Variants in CDH18 observed in about 807,000 individuals in gnomAD.
The protein encoded by CDH18 is cadherin 18.
CDH18 carries 31 observed loss-of-function variants against 67.9 expected under a neutral mutation model. That is an observed-to-expected ratio of 0.46 (90% CI 0.34 to 0.62). The LOEUF is 0.62. Among genes scored for constraint, CDH18 ranks in the 20% least tolerant of loss-of-function variants. The pLI, the probability that CDH18 is intolerant of heterozygous loss-of-function variation, is 0.01. For synonymous variants in CDH18, 362 were observed against 347.2 expected (o/e 1.04, Z -0.48); for missense variants, 890 against 975.5 (o/e 0.91, Z 1.17).
rs140524343 is a variant in CDH18, at chr5:20,424,874, A to G, written c.-580+150588T>C. Among the ~76,000 whole-genome samples, 367 of 150,458 alleles carry G rather than the reference A, an allele frequency of 2.4e-3. 24 individuals are homozygous for G. The highest frequency in any genetic ancestry group is 8.9e-3 in the African/African-American group (355 of 40,044). Reference sequence around the variant, plus strand: ...TCAATCAGAATCCCAGAACCACAGAATGCAGTGAGCACATTCATCAGTCCC... The same window carrying G: ...TCAATCAGAATCCCAGAACCACAGAGTGCAGTGAGCACATTCATCAGTCCC... On this transcript the variant is annotated intron_variant, in intron 1 of 14. Transcript: ENST00000507958.
chr5:19,636,513 GT>G (rs1291870521), intron 5 of CDH18, among the ~76,000 whole-genome samples: 2 of 151,806 alleles, frequency 1.3e-5, no homozygotes, highest in Admixed American at 1.3e-4. Flanking sequence ...AAAATAATGT[GT>G]TTAAGGTTTA....
chr5:20,487,480 T>C (rs1399021428), intron 1 of CDH18, among the ~76,000 whole-genome samples: 4 of 150,410 alleles, frequency 2.7e-5, no homozygotes, highest in African/African-American at 9.8e-5. Context: ...GATGAGAAAT[T>C]TAATTATTTT....
chr5:20,437,472 C>T (rs1749257048), intron 1 of CDH18, among the ~76,000 whole-genome samples: 1 of 151,192 alleles, frequency 6.6e-6, no homozygotes, highest in Admixed American at 6.6e-5. Flanking sequence ...TGTTCTTATG[C>T]ATTGGTAAGG....
At chr5:20,527,573 CT>C (rs1756145801) in intron 1 of CDH18, among the ~76,000 whole-genome samples, 1 of 152,062 alleles carries the variant, frequency 6.6e-6, no homozygotes. Flanking sequence ...AGTGAAAACC[CT>C]GAAAAGCCAG....
chr5:20,430,744 T>C (rs1281938157), intron 1 of CDH18, among the ~76,000 whole-genome samples: 1 of 152,142 alleles, frequency 6.6e-6, no homozygotes, highest in Non-Finnish European at 1.5e-5. Flanking sequence ...ACCCAAAATA[T>C]AAATGGAGAT....
intron 2 of CDH18, among the ~76,000 whole-genome samples, chr5:19,920,027 A>G (rs1792257280): frequency 6.6e-6 from 1 of 152,180 alleles, no homozygotes; most frequent in Admixed American, 6.5e-5. Context: ...ATATTAATAG[A>G]TCACTTTATG....
intron 1 of CDH18, among the ~76,000 whole-genome samples, chr5:20,356,868 T>C (rs1348904182): frequency 2.0e-5 from 3 of 147,918 alleles, no homozygotes; most frequent in Non-Finnish European, 4.4e-5. Flanking sequence ...CATACATATA[T>C]ACTATATATA....
At chr5:19,754,641 C>A (rs1051227486) in intron 3 of CDH18, among the ~76,000 whole-genome samples, 2 of 152,124 alleles carry the variant, frequency 1.3e-5, no homozygotes, top group African/African-American at 4.8e-5. Flanking sequence ...TGGATTTAAA[C>A]TATACCTTGG....
At chr5:19,511,692 T>A (rs901367606) in intron 10 of CDH18, among the ~76,000 whole-genome samples, 1 of 152,038 alleles carries the variant, frequency 6.6e-6, no homozygotes, top group South Asian at 2.1e-4. Context: ...GTGGAAGAAA[T>A]TTTTAATAGC....
chr5:20,100,064 G>A (rs1487752492), intron 2 of CDH18, among the ~76,000 whole-genome samples: 1 of 151,980 alleles, frequency 6.6e-6, no homozygotes, highest in African/African-American at 2.4e-5. Context: ...GGGATTACAG[G>A]GTGAGCCACC....
chr5:19,500,392 A>G (rs1231455100), intron 11 of CDH18, among the ~76,000 whole-genome samples: 3 of 152,178 alleles, frequency 2.0e-5, no homozygotes, highest in Non-Finnish European at 4.4e-5. Flanking sequence ...TACCAAGGGT[A>G]CTAAGCCAGT....
intron 1 of CDH18, among the ~76,000 whole-genome samples, chr5:20,303,483 C>T (rs191826793): frequency 2.0e-5 from 3 of 152,220 alleles, no homozygotes; most frequent in East Asian, 1.9e-4. Context: ...GCCAATGATT[C>T]GAACGCTGAG....
intron 1 of CDH18, among the ~76,000 whole-genome samples, chr5:20,314,817 C>A (rs1293567088): frequency 6.6e-6 from 1 of 151,946 alleles, no homozygotes; most frequent in African/African-American, 2.4e-5. Context: ...ATACACAAAA[C>A]AGTCAATAAT....
intron 9 of CDH18, among the ~76,000 whole-genome samples, chr5:19,535,634 T>C (rs560521126): frequency 4.6e-5 from 7 of 152,286 alleles, no homozygotes; most frequent in Admixed American, 2.0e-4. Context: ...TCTTTGGATA[T>C]GTTTGCATGA....
intron 2 of CDH18, among the ~76,000 whole-genome samples, chr5:19,954,805 C>G (rs1279756755): frequency 2.0e-5 from 3 of 151,582 alleles, no homozygotes; most frequent in African/African-American, 7.3e-5. Context: ...TTCAAACTTA[C>G]GTCAACCCAA....
chr5:20,549,683 G>C (rs1757529850), intron 1 of CDH18, among the ~76,000 whole-genome samples: 2 of 152,176 alleles, frequency 1.3e-5, no homozygotes, highest in South Asian at 2.1e-4. Context: ...AGGGTCACGA[G>C]GCAAGATTCA....
intron 1 of CDH18, among the ~76,000 whole-genome samples, chr5:20,259,470 T>A (rs1744485212): frequency 6.6e-6 from 1 of 152,136 alleles, no homozygotes; most frequent in Non-Finnish European, 1.5e-5. Flanking sequence ...TTCCTCCTCC[T>A]ACTCAGACTA....
At chr5:19,868,457 C>T (rs575671862) in intron 2 of CDH18, among the ~76,000 whole-genome samples, 1 of 152,264 alleles carries the variant, frequency 6.6e-6, no homozygotes, top group Non-Finnish European at 1.5e-5. Context: ...TACTAGAATA[C>T]ACCACGAAAC....
chr5:20,058,478 G>A (rs1364197941), intron 2 of CDH18, among the ~76,000 whole-genome samples: 1 of 152,052 alleles, frequency 6.6e-6, no homozygotes, highest in Non-Finnish European at 1.5e-5. Flanking sequence ...TTCCTTCTCA[G>A]GGAACGTTAT....
Sources: gnomAD v4.1 joint callset for allele counts (sites outside exome capture counted in the v4.1 genomes callset) on GRCh38, gnomAD v4.1.1 for gene constraint, MANE v1.5 for transcripts, NCBI Gene and HGNC (gene_info 2026-07-23, HGNC 2026-07-21) for gene names.